The following ACRBP variants were observed in gnomAD, a reference collection of about 807,000 sequenced individuals.
ACRBP encodes the protein acrosin binding protein.
ACRBP carries 52 observed loss-of-function variants against 69.0 expected under a neutral mutation model. The ratio of observed to expected loss-of-function variants is 0.75; its 90% confidence interval spans 0.60 to 0.95. ACRBP has a LOEUF of 0.95. Among genes scored for constraint, ACRBP ranks in the 40% least tolerant of loss-of-function variants. The pLI is 0.00. For missense variants in ACRBP, 604 were observed against 673.0 expected (o/e 0.90, Z 1.13); for synonymous variants, 267 against 258.9 (o/e 1.03, Z -0.30).
Position 6,640,056 on chromosome 12 carries a change from T to C in ACRBP, c.1425+4A>G, listed in dbSNP as rs1949040300. The stretch of plus-strand genomic sequence containing the variant: ...GGGGCTGAGCTTTGGGGAAAGGTTC[T>C]AACCTTGGTAGGGAAATCCCCATCC... On this transcript the variant is annotated splice_donor_region_variant and intron_variant, in intron 8 of 9. Transcript: ENST00000229243. This position sits in a 1 kb window ranked among gnomAD's most constrained non-coding sequence, Gnocchi z 5.3. 2 of 1,614,110 alleles carry C rather than the reference T, an allele frequency of 1.2e-6. No individual in the cohort carries two copies. Among genetic ancestry groups the C allele is most frequent in the Non-Finnish European group, 1.7e-6 (2 of 1,179,990 alleles).
At chr12:6,643,757 T>C in intron 5 of ACRBP, 86 bp from the exon 6 acceptor site, 1 of 1,545,228 alleles carries the variant, frequency 6.5e-7, no homozygotes, top group Non-Finnish European at 8.8e-7. Context: ...TCCCTTAGTG[T>C]CTGCTTTGGT....
At chr12:6,639,068 G>A (rs1482872420) in intron 8 of ACRBP, 31 bp from the exon 9 acceptor site, 1 of 1,591,198 alleles carries the variant, frequency 6.3e-7, no homozygotes, top group South Asian at 1.1e-5. Context: ...AGGGAAGAGG[G>A]TATCAGAAGC....
intron 6 of ACRBP, among the ~76,000 whole-genome samples, chr12:6,641,407 G>T (rs1949052142): frequency 6.6e-6 from 1 of 152,170 alleles, no homozygotes; most frequent in Admixed American, 6.5e-5. Context: ...TCCCTGGCCA[G>T]AAATCTTTAT....
At position 6,644,249 on chromosome 12, in the gene ACRBP, T is replaced by G. The variant is rs192361841; in HGVS notation, c.832A>C (p.Thr278Pro). ...TGGATGTTCTCCATTATCATAGGAG[T>G]AGACTCTACTTCTCGTACCCGGGGA... ...FAPRVREVES[T>P]PMIMENIQEL... The change falls in exon 5 of 10, where the codon ACT (threonine) becomes CCT (proline). Residue 278 changes from threonine to proline, a missense_variant. Physicochemically the swap from Thr to Pro is conservative, Grantham distance 38. This residue lies in a region of ACRBP where 532 missense variants were observed against 562.9 expected (regional missense o/e 0.95). Coordinates refer to ENST00000229243, the MANE Select transcript of ACRBP (RefSeq NM_032489.3). 8.1e-6 allele frequency: 13 copies of G among 1,614,034 alleles called. No individual in the cohort carries two copies. In the African/African-American group the frequency reaches 1.2e-4, roughly 15 times the overall value.
At chr12:6,639,066 G>T (rs765824351) in intron 8 of ACRBP, 29 bp from the exon 9 acceptor site, 1 of 1,597,606 alleles carries the variant, frequency 6.3e-7, no homozygotes, top group South Asian at 1.1e-5. Context: ...AGAGGGAAGA[G>T]GGTATCAGAA....
At position 6,640,578 on chromosome 12, in the gene ACRBP, C is replaced by T; in HGVS notation, c.1078-56G>A. 1.3e-6 allele frequency: 2 copies of T among 1,567,208 alleles called. No individual in the cohort carries two copies. Among genetic ancestry groups the T allele is most frequent in the Non-Finnish European group, 1.7e-6 (2 of 1,150,804 alleles). ...TGAGAGTCAGCGGCCTGCCTTCTCC[C>T]ATGCCTCAGCCCTCCAGGGTGGGCC... On this transcript the variant is annotated intron_variant, in intron 6 of 9. Coordinates refer to ENST00000229243, the MANE Select transcript of ACRBP (RefSeq NM_032489.3). This position sits in a 1 kb window ranked among gnomAD's most constrained non-coding sequence, Gnocchi z 5.3.
chr12:6,646,833 G>C lies in ACRBP; in HGVS notation c.223C>G (p.Gln75Glu), dbSNP rs1352830150. Residue 75 changes from glutamine to glutamate, a missense_variant, in exon 2 of 10, where the codon CAG becomes GAG. Physicochemically the swap from Gln to Glu is conservative, Grantham distance 29 (BLOSUM62 2). Coordinates refer to ENST00000229243, the MANE Select transcript of ACRBP (RefSeq NM_032489.3). ...THGCRNPTLV[Q>E]LDQYENHGLV... The stretch of plus-strand genomic sequence containing the variant: ...CCGTGGTTTTCATATTGGTCCAGCT[G>C]GACGAGTGTGGGATTCCGGCAGCCG... The C allele has an allele frequency of 2.5e-6, 4 of 1,614,144 alleles. No individual in the cohort carries two copies. The highest frequency in any genetic ancestry group is 3.4e-6 in the Non-Finnish European group (4 of 1,180,044).
chr12:6,647,229 A>C lies in ACRBP; in HGVS notation c.43+95T>G, dbSNP rs1949097268. On this transcript the variant is annotated intron_variant, in intron 1 of 9. Coordinates refer to ENST00000229243, the MANE Select transcript of ACRBP (RefSeq NM_032489.3). ...AGGGAGCCGACCCAGCGCGACCACC[A>C]TGAGGAAGCGATCCAGAAACCGTAA... 3.5e-6 allele frequency: 5 copies of C among 1,411,920 alleles called. No homozygotes were observed. Among genetic ancestry groups the C allele is most frequent in the Non-Finnish European group, 4.8e-6 (5 of 1,041,226 alleles). 87.5% of individuals were successfully genotyped at this position (1,411,920 alleles called of 1,614,324 possible).
chr12:6,638,869 C>A (rs12826388), intron 9 of ACRBP, 85 bp downstream of exon 9: 2 of 1,591,550 alleles, frequency 1.3e-6, no homozygotes, highest in Non-Finnish European at 8.6e-7. Context: ...CCTAGCTGCT[C>A]GCAGAGGGGG....
chr12:6,647,084 C>T, intron 1 of ACRBP, 72 bp from the exon 2 acceptor site: 1 of 1,378,856 alleles, frequency 7.3e-7, no homozygotes, highest in South Asian at 1.2e-5. Context: ...ACAGACAGAC[C>T]CAGACTGGCA....
At chr12:6,646,654 A>T in intron 2 of ACRBP, 77 bp from the exon 3 acceptor site, 1 of 1,503,736 alleles carries the variant, frequency 6.7e-7, no homozygotes, top group Middle Eastern at 1.7e-4. Flanking sequence ...ACTCCACGCC[A>T]TGGGGAGGGT....
intron 4 of ACRBP, 33 bp downstream of exon 4, chr12:6,645,187 C>A: frequency 6.6e-7 from 1 of 1,514,018 alleles, no homozygotes; most frequent in South Asian, 1.1e-5. Flanking sequence ...GTGGGAGTAG[C>A]TGGTGGTCTC....
rs371911810 is a variant in ACRBP, at chr12:6,641,311, T to C, written c.1078-789A>G. On this transcript the variant is annotated intron_variant, in intron 6 of 9. Transcript: ENST00000229243. ...CTTTAGTCAATCCCACGGTCCTCCT[T>C]CCTCCCCCATGGGCACAGCCTGTCA... Among the ~76,000 whole-genome samples the C allele has an allele frequency of 3.2e-4, 49 of 152,258 alleles. No individual in the cohort carries two copies. The East Asian group carries it at 8.5e-3, about 26-fold the overall frequency.
Position 6,647,359 on chromosome 12 carries a change from T to C in ACRBP, c.8A>G (p.Lys3Arg), listed in dbSNP as rs1949098049. The stretch of plus-strand genomic sequence containing the variant: ...TGAGGGAAGGAAGCCAGCGGCTGGC[T>C]TCCTCATGGCCGGAGAAGATCCGCC... MRKPAAGFLPSLL... is the reference protein window; with the variant it reads MRRPAAGFLPSLL... Residue 3 changes from lysine to arginine, a missense_variant, in exon 1 of 10, where the codon AAG becomes AGG. Around this residue, in one of 3 missense-constraint regions of ACRBP, gnomAD observed 532 missense variants for 562.9 expected, o/e 0.95. Coordinates refer to ENST00000229243, the MANE Select transcript of ACRBP (RefSeq NM_032489.3). 1 of 1,541,330 alleles carries C rather than the reference T, an allele frequency of 6.5e-7. No homozygotes were observed. The highest frequency in any genetic ancestry group is 8.8e-7 in the Non-Finnish European group (1 of 1,142,652).
intron 6 of ACRBP, among the ~76,000 whole-genome samples, chr12:6,641,226 C>T (rs1949050584): frequency 6.6e-6 from 1 of 152,196 alleles, no homozygotes; most frequent in Non-Finnish European, 1.5e-5. Flanking sequence ...TTACCAATCT[C>T]CCAGCTGGGT....
intron 9 of ACRBP, 48 bp downstream of exon 9, chr12:6,638,906 T>C: frequency 1.9e-6 from 3 of 1,604,834 alleles, no homozygotes; most frequent in Non-Finnish European, 2.6e-6. Flanking sequence ...TTATGGTGAC[T>C]GATTGAGGGG....
At position 6,644,488 on chromosome 12, in the gene ACRBP, T is replaced by C. The variant is rs770180945; in HGVS notation, c.593A>G (p.Glu198Gly). Residue 198 changes from glutamate to glycine, a missense_variant, in exon 5 of 10, where the codon GAG becomes GGG. Physicochemically the swap from Glu to Gly is moderately conservative, Grantham distance 98 (BLOSUM62 -2). Coordinates refer to ENST00000229243, the MANE Select transcript of ACRBP (RefSeq NM_032489.3). ...CTCCTGCCTGTGCTCCACTCCTTGC[T>C]CCTGCTTGTGCTCTGGCGCTTGCTC... ...GQEQAPEHKQ[E>G]QGVEHRQEPT... 4 of 1,613,940 alleles carry C rather than the reference T, an allele frequency of 2.5e-6. No homozygotes were observed. Among genetic ancestry groups the C allele is most frequent in the Admixed American group, 1.7e-5 (1 of 59,982 alleles).
chr12:6,647,011 C>A lies in ACRBP; in HGVS notation c.45G>T (p.Val15=), dbSNP rs1322332152. Residue 15 remains valine, a splice_region_variant and synonymous_variant, in exon 2 of 10, where the codon GTG becomes GTT. Transcript: ENST00000229243. ...AAGFLPSLLK[V]LLLPLAPAAA... ...CGGCAGGTGCCAGAGGCAGGAGCAG[C>A]ACTGCGGAGCGGGCGAACGGATGAT... 1.7e-5 allele frequency: 27 copies of A among 1,608,278 alleles called. No individual in the cohort carries two copies. Among genetic ancestry groups the A allele is most frequent in the Non-Finnish European group, 2.3e-5 (27 of 1,179,804 alleles).
chr12:6,644,133 A>T lies in ACRBP; in HGVS notation c.944+4T>A. ...GTGGATGACAGAGTCAAAACTTCCT[A>T]TACCTGCCAGGGTTTTGGTTTCTCC... On this transcript the variant is annotated splice_donor_region_variant and intron_variant, in intron 5 of 9. Transcript: ENST00000229243. 1 of 1,565,880 alleles carries T rather than the reference A, an allele frequency of 6.4e-7. No individual in the cohort carries two copies. Among genetic ancestry groups the T allele is most frequent in the Middle Eastern group, 1.7e-4 (1 of 5,850 alleles).
Sources: allele counts gnomAD v4.1 joint callset (sites outside exome capture counted in the v4.1 genomes callset), GRCh38; gene constraint gnomAD v4.1.1; regional missense constraint gnomAD v4.1.1; non-coding constraint Gnocchi (gnomAD v3.1); transcripts MANE v1.5; gene names NCBI Gene and HGNC (gene_info 2026-07-23, HGNC 2026-07-21).